Variants in REXO5 observed in about 807,000 individuals in gnomAD.
REXO5 encodes exonuclease NEF-sp.
Under a neutral mutation model 88.5 loss-of-function variants are expected in REXO5, and 48 were observed. That is an observed-to-expected ratio of 0.54 (90% CI 0.43 to 0.69). REXO5 has a LOEUF of 0.69. REXO5 is among the 30% of genes least tolerant of loss of function. The probability of loss-of-function intolerance (pLI) is 0.00; values close to 1 mark genes in which losing one functional copy is unlikely to be tolerated. For missense variants in REXO5, 749 were observed against 912.2 expected, an observed-to-expected ratio of 0.82 and a Z score of 2.30; for synonymous variants, 311 against 336.5, an observed-to-expected ratio of 0.92 and a Z score of 0.83.
chr16:20,824,337 C>T lies in REXO5; in HGVS notation c.617-102C>T, dbSNP rs577412388. 2.0e-5 allele frequency: 13 copies of T among 645,568 alleles called. No individual in the cohort carries two copies. In the South Asian group the frequency reaches 2.4e-4, roughly 12 times the overall value. 40.0% of individuals were successfully genotyped at this position (645,568 alleles called of 1,614,324 possible). On this transcript the variant is annotated intron_variant, in intron 6 of 19. Coordinates refer to ENST00000261377, the MANE Select transcript of REXO5 (RefSeq NM_030941.3). ...TCAAGTGTCTAACATACCAACATATCTGACTAAAATATCTAGTATTGTAGT... is the reference window on the plus strand; with the variant it reads ...TCAAGTGTCTAACATACCAACATATTTGACTAAAATATCTAGTATTGTAGT...
At position 20,844,614 on chromosome 16, in the gene REXO5, A is replaced by C. The variant is rs368622395; in HGVS notation, c.1720-15A>C. On this transcript the variant is annotated splice_polypyrimidine_tract_variant and intron_variant, in intron 16 of 19. Transcript: ENST00000261377. ...AATTGATTTTCTACCACTAACACCA[A>C]CTTTCCTTGGTTAGGTGCAGAGGCC... The C allele has an allele frequency of 1.2e-6, 2 of 1,613,020 alleles. No individual in the cohort carries two copies. Among genetic ancestry groups the C allele is most frequent in the Non-Finnish European group, 1.7e-6 (2 of 1,179,240 alleles).
intron 13 of REXO5, among the ~76,000 whole-genome samples, chr16:20,836,756 C>T (rs554103423): frequency 3.3e-4 from 50 of 152,296 alleles, no homozygotes; most frequent in African/African-American, 1.2e-3. Context: ...AATGAGAGTT[C>T]CTGTTGCTCC....
At chr16:20,828,076 T>C (rs956567631) in intron 10 of REXO5, among the ~76,000 whole-genome samples, 2 of 152,188 alleles carry the variant, frequency 1.3e-5, no homozygotes, top group Non-Finnish European at 2.9e-5. Flanking sequence ...TAGACACTTA[T>C]ATACAAATAA....
At position 20,844,009 on chromosome 16, in the gene REXO5, G is replaced by C; in HGVS notation, c.1702G>C (p.Asp568His). ...AIESLDGILV[D>H]GICIKVQRPV... Reference sequence around the variant, plus strand: ...AGAATCCTTGGATGGTATTCTGGTAGATGGTATCTGCATCAAGGTAGGGTG... The same window carrying C: ...AGAATCCTTGGATGGTATTCTGGTACATGGTATCTGCATCAAGGTAGGGTG... The change falls in exon 16 of 20, where the codon GAT becomes CAT. Residue 568 changes from aspartate to histidine, a missense_variant. Transcript: ENST00000261377. The C allele has an allele frequency of 1.3e-6, 2 of 1,596,492 alleles. No individual in the cohort carries two copies. Among genetic ancestry groups the C allele is most frequent in the Non-Finnish European group, 1.7e-6 (2 of 1,163,878 alleles).
At chr16:20,832,961 GA>G (rs748643154) in intron 12 of REXO5, 41 bp from the exon 13 acceptor site, 248 of 1,578,256 alleles carry the variant, frequency 1.6e-4, no homozygotes, top group Non-Finnish European at 2.0e-4. Context: ...TCAGGTTCTG[GA>G]AAACTGTTGT....
At position 20,825,988 on chromosome 16, in the gene REXO5, G is replaced by A. The variant is rs764398234; in HGVS notation, c.821+40G>A. ...GCCTGCAGCTCTTCTAAGAGCTATC[G>A]GGCTAGAATGGAATAATACTTAAGA... On this transcript the variant is annotated intron_variant, in intron 8 of 19. Transcript: ENST00000261377. The A allele has an allele frequency of 2.6e-5, 34 of 1,306,922 alleles. 1 individual carries two copies. The highest frequency in any genetic ancestry group is 9.9e-5 in the South Asian group (8 of 81,094). 81.0% of individuals were successfully genotyped at this position (1,306,922 alleles called of 1,614,324 possible).
At chr16:20,807,125 G>GC (rs1259387839) in intron 2 of REXO5, 34 bp downstream of exon 2, 1 of 1,577,836 alleles carries the variant, frequency 6.3e-7, no homozygotes, top group South Asian at 1.2e-5. Flanking sequence ...GGCGGCCCTA[G>GC]GCGGTTTGGA....
chr16:20,836,059 A>G (rs1479848086), intron 13 of REXO5, among the ~76,000 whole-genome samples: 1 of 152,122 alleles, frequency 6.6e-6, no homozygotes, highest in Non-Finnish European at 1.5e-5. Flanking sequence ...AAGTACAGAG[A>G]GTTCCCATTT....
chr16:20,832,493 C>CA (rs199601332), intron 12 of REXO5, among the ~76,000 whole-genome samples: 3,322 of 120,404 alleles, frequency 0.028, 68 homozygotes, highest in African/African-American at 0.062. Flanking sequence ...TATCCTTGAT[C>CA]AAAAAAAAAA....
intron 7 of REXO5, 73 bp downstream of exon 7, chr16:20,824,600 T>C: frequency 1.1e-6 from 1 of 871,046 alleles, no homozygotes; most frequent in Non-Finnish European, 1.9e-6. Flanking sequence ...TTCTTGAGTC[T>C]AATGCACTAA....
chr16:20,840,066 A>T, intron 14 of REXO5: 1 of 549,172 alleles, frequency 1.8e-6, no homozygotes, highest in South Asian at 2.9e-5. Context: ...ATTTAACAGT[A>T]TATCATACAT....
intron 19 of REXO5, among the ~76,000 whole-genome samples, chr16:20,847,307 G>A (rs1436594908): frequency 6.6e-6 from 1 of 151,258 alleles, no homozygotes; most frequent in Non-Finnish European, 1.5e-5. Context: ...TTGGTGTTGT[G>A]TGCCTGTGGT....
chr16:20,837,720 A>G (rs893978219), intron 13 of REXO5, among the ~76,000 whole-genome samples: 5 of 151,484 alleles, frequency 3.3e-5, no homozygotes, highest in Non-Finnish European at 7.4e-5. Flanking sequence ...TTTTAGGGGG[A>G]ATAATTTTCA....
intron 2 of REXO5, among the ~76,000 whole-genome samples, chr16:20,811,992 A>G (rs1055230765): frequency 6.6e-6 from 1 of 152,220 alleles, no homozygotes; most frequent in Non-Finnish European, 1.5e-5. Flanking sequence ...GCACTGGTCC[A>G]AGCCTGGTGT....
At chr16:20,807,285 G>A (rs900601536) in intron 2 of REXO5, 194 bp downstream of exon 2, 11 of 669,090 alleles carry the variant, frequency 1.6e-5, no homozygotes, top group Admixed American at 1.3e-4. Context: ...GCTGTCACTG[G>A]GATAGTGAGT....
chr16:20,821,807 A>C lies in REXO5; in HGVS notation c.521A>C (p.Asp174Ala), dbSNP rs368010533. 1.2e-6 allele frequency: 2 copies of C among 1,607,416 alleles called. No individual in the cohort carries two copies. The highest frequency in any genetic ancestry group is 1.7e-6 in the Non-Finnish European group (2 of 1,178,270). The change falls in exon 6 of 20, where the codon GAT (aspartate) becomes GCT (alanine). Residue 174 changes from aspartate (D) to alanine (A), a missense_variant. Asp to Ala is a moderately radical substitution (Grantham distance 126). Transcript: ENST00000261377. The stretch of plus-strand genomic sequence containing the variant: ...AAAGCCGCCATCAACCTTCAGGATG[A>C]TCCCATCATTCAAAAGTATGGCTCT... ...NAKAAINLQD[D>A]PIIQKYGSKK...
rs755013361 is a variant in REXO5 at position 20,844,788 on chromosome 16, G to A, written c.1879G>A (p.Ala627Thr). 5 of 1,614,082 alleles carry A rather than the reference G, an allele frequency of 3.1e-6. No individual in the cohort carries two copies. The African/African-American group carries it at 4.0e-5, about 13-fold the overall frequency. ...GCCCCGCCTCTTTCTTGGCCTGGAAGCTGTGATCTTGCCTAAAGATCTTAA... is the reference window on the plus strand; with the variant it reads ...GCCCCGCCTCTTTCTTGGCCTGGAAACTGTGATCTTGCCTAAAGATCTTAA... ...QEPRLFLGLE[A>T]VILPKDLKSG... Residue 627 changes from alanine to threonine, a missense_variant, in exon 17 of 20, where the codon GCT becomes ACT. By Grantham distance (58) the Ala-to-Thr change is moderately conservative. Coordinates refer to ENST00000261377, the MANE Select transcript of REXO5 (RefSeq NM_030941.3).
At chr16:20,816,495 T>C (rs2081084086) in intron 5 of REXO5, among the ~76,000 whole-genome samples, 1 of 149,670 alleles carries the variant, frequency 6.7e-6, no homozygotes. Context: ...CCCAGCTAAT[T>C]TTGTTTGTTT....
Position 20,820,518 on chromosome 16 carries a change from A to ATATATATATATATATAAT in REXO5, c.476-1228_476-1227insATTATATATATATATATA, listed in dbSNP as rs2081155021. 5.9e-3 allele frequency among the ~76,000 whole-genome samples: 7 copies of ATATATATATATATATAAT among 1,188 alleles called. No individual in the cohort carries two copies. In the South Asian group the frequency reaches 0.29, roughly 50 times the overall value. The allele number at this position is 1,188 out of a possible 152,430, so 0.8% of individuals were successfully genotyped here. A position where few individuals can be genotyped will look rare whatever the true frequency, so the allele number is the denominator to read the frequency against. On this transcript the variant is annotated intron_variant, in intron 5 of 19. Transcript: ENST00000261377. The stretch of plus-strand genomic sequence containing the variant: ...ACTAGTCAGTTCTCTCTCTTTATAT[A>ATATATATATATATATAAT]TATATATATATATATATATATATAT...
Sources: gnomAD v4.1 joint callset for allele counts (sites outside exome capture counted in the v4.1 genomes callset) on GRCh38, gnomAD v4.1.1 for gene constraint, MANE v1.5 for transcripts, NCBI Gene and HGNC (gene_info 2026-07-23, HGNC 2026-07-21) for gene names.